Variants in SAMD12 observed in about 807,000 individuals in gnomAD.
The protein encoded by SAMD12 is sterile alpha motif domain containing 12.
In SAMD12, 9 loss-of-function variants were observed where a neutral mutation model predicts 15.0. The observed-to-expected ratio is 0.60, with a 90% confidence interval of 0.36 to 1.05. The LOEUF is 1.05. Among genes scored for constraint, SAMD12 ranks in the 50% least tolerant of loss-of-function variants. SAMD12 has a pLI of 0.01. For synonymous variants in SAMD12, 86 were observed against 90.1 expected (o/e 0.96, Z 0.25); for missense variants, 230 against 234.2 (o/e 0.98, Z 0.12).
At chr8:118,307,032 T>C (rs1815384048) in intron 4 of SAMD12, among the ~76,000 whole-genome samples, 2 of 152,168 alleles carry the variant, frequency 1.3e-5, no homozygotes, top group South Asian at 4.1e-4. Flanking sequence ...GCCTGAATGT[T>C]AGGGAATTTT....
At chr8:118,231,394 T>C (rs1812307509) in intron 4 of SAMD12, among the ~76,000 whole-genome samples, 4 of 152,162 alleles carry the variant, frequency 2.6e-5, no homozygotes, top group Admixed American at 2.6e-4. Flanking sequence ...CTCAATAACC[T>C]ATGATTTCCA....
intron 2 of SAMD12, among the ~76,000 whole-genome samples, chr8:118,448,200 T>C (rs1359430789): frequency 6.6e-6 from 1 of 152,202 alleles, no homozygotes; most frequent in Non-Finnish European, 1.5e-5. Flanking sequence ...CCTTTGAGAA[T>C]TGTTCAAATG....
At chr8:118,199,649 C>A (rs963564172) in intron 4 of SAMD12, among the ~76,000 whole-genome samples, 1 of 152,076 alleles carries the variant, frequency 6.6e-6, no homozygotes, top group African/African-American at 2.4e-5. Context: ...ACCATGTTTC[C>A]TACAATGGTC....
At chr8:118,427,003 AAGG>A (rs559327648) in intron 3 of SAMD12, among the ~76,000 whole-genome samples, 8 of 152,302 alleles carry the variant, frequency 5.3e-5, no homozygotes, top group South Asian at 4.1e-4. Flanking sequence ...GCAGAATCTC[AAGG>A]AGAAGAGAAG....
At chr8:118,277,210 C>T (rs999119007) in intron 4 of SAMD12, among the ~76,000 whole-genome samples, 2 of 152,130 alleles carry the variant, frequency 1.3e-5, no homozygotes, top group Non-Finnish European at 2.9e-5. Flanking sequence ...CCACCCAGGC[C>T]TTAACTCTGG....
At chr8:118,332,658 G>C (rs1816859378) in intron 4 of SAMD12, among the ~76,000 whole-genome samples, 3 of 152,204 alleles carry the variant, frequency 2.0e-5, no homozygotes. Flanking sequence ...TGGGTGCTCT[G>C]CCACAGCGTC....
At chr8:118,473,942 C>G (rs1353372859) in intron 2 of SAMD12, among the ~76,000 whole-genome samples, 3 of 152,108 alleles carry the variant, frequency 2.0e-5, no homozygotes, top group African/African-American at 7.2e-5. Flanking sequence ...GTATTACTAG[C>G]CACTTGATAG....
intron 4 of SAMD12, among the ~76,000 whole-genome samples, chr8:118,255,534 G>C (rs1248128817): frequency 8.4e-6 from 1 of 119,266 alleles, no homozygotes; most frequent in South Asian, 2.8e-4. Context: ...TCCCCAGAGT[G>C]TGATGTTCCC....
chr8:118,404,454 T>C (rs1821026802), intron 3 of SAMD12, among the ~76,000 whole-genome samples: 1 of 152,196 alleles, frequency 6.6e-6, no homozygotes, highest in African/African-American at 2.4e-5. Flanking sequence ...TGCTAGACCA[T>C]TTGATGTGAT....
At chr8:118,197,383 C>T (rs1271591720) in exon 5 of SAMD12, 1 of 397,514 alleles carries the variant, frequency 2.5e-6, no homozygotes, top group Non-Finnish European at 4.5e-6. Context: ...AACAGGACTT[C>T]TAGTGAAGGG....
intron 4 of SAMD12, among the ~76,000 whole-genome samples, chr8:118,219,297 GT>G (rs1176130856): frequency 6.6e-6 from 1 of 152,206 alleles, no homozygotes; most frequent in Non-Finnish European, 1.5e-5. Flanking sequence ...TATGCCCTGT[GT>G]GTTTTCCTGG....
intron 3 of SAMD12, among the ~76,000 whole-genome samples, chr8:118,422,387 G>A (rs1055687149): frequency 6.6e-6 from 1 of 152,162 alleles, no homozygotes; most frequent in Non-Finnish European, 1.5e-5. Flanking sequence ...AAAATGTAAA[G>A]CAAACACAGA....
intron 4 of SAMD12, among the ~76,000 whole-genome samples, chr8:118,216,878 A>G (rs1811973810): frequency 6.6e-6 from 1 of 152,254 alleles, no homozygotes; most frequent in Non-Finnish European, 1.5e-5. Flanking sequence ...GTGAGATTTC[A>G]GGAAACTGCT....
intron 4 of SAMD12, among the ~76,000 whole-genome samples, chr8:118,262,654 T>C (rs1032034745): frequency 1.3e-5 from 2 of 152,074 alleles, no homozygotes; most frequent in African/African-American, 4.8e-5. Flanking sequence ...TGGAAAATAA[T>C]CACAACTGAA....
At chr8:118,163,707 T>C in the SAMD12 span, among the ~76,000 whole-genome samples, 84,130 of 151,694 alleles carry the variant, frequency 0.55, 23,669 homozygotes, top group Middle Eastern at 0.7. Flanking sequence ...AACCCCGTCT[T>C]TACTAAAAAT....
chr8:118,548,790 A>C (rs1826221402), intron 2 of SAMD12, among the ~76,000 whole-genome samples: 1 of 152,246 alleles, frequency 6.6e-6, no homozygotes, highest in Admixed American at 6.5e-5. Context: ...AAGGGGTGAC[A>C]GACGGCACCT....
At chr8:118,486,626 C>T (rs1824294335) in intron 2 of SAMD12, among the ~76,000 whole-genome samples, 1 of 151,968 alleles carries the variant, frequency 6.6e-6, no homozygotes. Flanking sequence ...TGATTTTAGC[C>T]CAAGGAGACC....
the SAMD12 span, among the ~76,000 whole-genome samples, chr8:118,162,969 C>A: frequency 6.6e-6 from 1 of 152,030 alleles, no homozygotes; most frequent in Non-Finnish European, 1.5e-5. Flanking sequence ...ACAAACAACA[C>A]AACTTTGGAA....
chr8:118,409,029 G>A (rs1586680760), intron 3 of SAMD12, among the ~76,000 whole-genome samples: 1 of 152,196 alleles, frequency 6.6e-6, no homozygotes, highest in East Asian at 1.9e-4. Context: ...CTCCCGAGTT[G>A]CTGGGACTAC....
Sources: allele counts gnomAD v4.1 joint callset (sites outside exome capture counted in the v4.1 genomes callset), GRCh38; gene constraint gnomAD v4.1.1; transcripts MANE v1.5; gene names NCBI Gene and HGNC (gene_info 2026-07-23, HGNC 2026-07-21).